The following CNTN6 variants were observed in gnomAD, a reference collection of about 807,000 sequenced individuals.
CNTN6 encodes contactin-6.
CNTN6 carries 137 observed loss-of-function variants against 122.8 expected under a neutral mutation model. The observed-to-expected ratio is 1.12, with a 90% CI of 0.97 to 1.29. The LOEUF is 1.29. Among genes scored for constraint, CNTN6 ranks in the 50% most tolerant of loss-of-function variants. CNTN6 has a pLI of 0.00. For missense variants in CNTN6, 1,634 were observed against 1,223.4 expected, an observed-to-expected ratio of 1.34 and a Z score of -5.01; for synonymous variants, 570 against 426.0, an observed-to-expected ratio of 1.34 and a Z score of -4.16.
Position 1,240,076 on chromosome 3 carries a change from A to G in CNTN6, c.358+12083A>G, listed in dbSNP as rs573560804. Among the ~76,000 whole-genome samples the G allele has an allele frequency of 1.2e-4, 19 of 152,342 alleles. No individual in the cohort carries two copies. In the South Asian group the frequency reaches 3.9e-3, roughly 32 times the overall value. ...CCTGAAACCATAAAGATAATGGAAA[A>G]TAACATTGGAACAACACTTCCAGAC... On this transcript the variant is annotated intron_variant, in intron 4 of 22. Transcript: ENST00000446702.
intron 16 of CNTN6, among the ~76,000 whole-genome samples, chr3:1,376,291 T>C (rs924195000): frequency 3.3e-5 from 5 of 152,138 alleles, no homozygotes; most frequent in Non-Finnish European, 7.4e-5. Context: ...TTCATTGTGT[T>C]AGTCCTTACA....
At chr3:1,347,454 G>A (rs192030990) in intron 11 of CNTN6, among the ~76,000 whole-genome samples, 3 of 152,160 alleles carry the variant, frequency 2.0e-5, no homozygotes, top group African/African-American at 7.2e-5. Context: ...AACTTATTGA[G>A]GAAATAAGGA....
intron 5 of CNTN6, among the ~76,000 whole-genome samples, chr3:1,288,676 A>G (rs539313127): frequency 6.6e-6 from 1 of 152,350 alleles, no homozygotes; most frequent in Non-Finnish European, 1.5e-5. Flanking sequence ...GTCAGTATCA[A>G]TGTTTATCAT....
chr3:1,314,402 C>T (rs985104980), intron 7 of CNTN6, among the ~76,000 whole-genome samples: 8 of 152,086 alleles, frequency 5.3e-5, no homozygotes, highest in African/African-American at 1.2e-4. Context: ...TCTTAAGAAA[C>T]TCATTCTCTG....
intron 1 of CNTN6, among the ~76,000 whole-genome samples, chr3:1,120,601 C>T (rs935735250): frequency 1.3e-5 from 2 of 151,822 alleles, no homozygotes; most frequent in African/African-American, 4.8e-5. Flanking sequence ...AATATTTTCT[C>T]TCAGCCTCTG....
chr3:1,141,312 A>G (rs948786988), intron 1 of CNTN6, among the ~76,000 whole-genome samples: 9 of 152,172 alleles, frequency 5.9e-5, no homozygotes, highest in African/African-American at 2.2e-4. Flanking sequence ...GCAACTGAAA[A>G]TGGATCTTGA....
intron 5 of CNTN6, among the ~76,000 whole-genome samples, chr3:1,286,597 C>G (rs895022361): frequency 6.6e-6 from 1 of 152,166 alleles, no homozygotes; most frequent in East Asian, 1.9e-4. Context: ...ATGTGACAGT[C>G]TATCATTGAT....
At chr3:1,130,067 T>C (rs781492710) in intron 1 of CNTN6, among the ~76,000 whole-genome samples, 2 of 152,092 alleles carry the variant, frequency 1.3e-5, no homozygotes, top group Non-Finnish European at 2.9e-5. Context: ...CTTCTCTATA[T>C]TCTCTCTACT....
chr3:1,291,232 T>C (rs1695265926), intron 5 of CNTN6, among the ~76,000 whole-genome samples: 1 of 152,224 alleles, frequency 6.6e-6, no homozygotes, highest in South Asian at 2.1e-4. Context: ...TTTTTCTGAA[T>C]TTATTATTAA....
chr3:1,121,338 T>TA (rs1204120124), intron 1 of CNTN6, among the ~76,000 whole-genome samples: 8 of 151,922 alleles, frequency 5.3e-5, no homozygotes, highest in Non-Finnish European at 1.2e-4. Context: ...CTCTTATTTA[T>TA]AAAAAAGCAC....
rs188285885 is a variant in CNTN6 at position 1,318,017 on chromosome 3, C to A, written c.762-3633C>A. Reference sequence around the variant, plus strand: ...CAGTACTGTACCCTGAATCTTATAACCTTCTCCTTAATTGAATGTTTTATC... The same window carrying A: ...CAGTACTGTACCCTGAATCTTATAAACTTCTCCTTAATTGAATGTTTTATC... On this transcript the variant is annotated intron_variant, in intron 7 of 22. Coordinates refer to ENST00000446702, the MANE Select transcript of CNTN6 (RefSeq NM_001289080.2). Among the ~76,000 whole-genome samples the A allele has an allele frequency of 7.6e-3, 1,152 of 151,084 alleles. 9 individuals carry two copies. The highest frequency in any genetic ancestry group is 0.041 in the Middle Eastern group (12 of 290).
intron 5 of CNTN6, among the ~76,000 whole-genome samples, chr3:1,285,998 A>C (rs926317461): frequency 1.3e-5 from 2 of 152,084 alleles, no homozygotes; most frequent in African/African-American, 4.8e-5. Context: ...TATTTCTTTA[A>C]GTCCCATGCT....
chr3:1,401,114 T>C (rs1350615383), intron 20 of CNTN6, among the ~76,000 whole-genome samples: 1 of 142,646 alleles, frequency 7.0e-6, no homozygotes, highest in Admixed American at 6.9e-5. Context: ...CCAAATGGAA[T>C]CCTAGATAAA....
intron 4 of CNTN6, among the ~76,000 whole-genome samples, chr3:1,231,794 C>G (rs1264468195): frequency 6.6e-6 from 1 of 152,288 alleles, no homozygotes; most frequent in South Asian, 2.1e-4. Context: ...TTAAGTATCT[C>G]TTTCTTCCCC....
chr3:1,384,207 CTCATATT>C (rs1389124590), intron 19 of CNTN6, among the ~76,000 whole-genome samples: 2 of 152,128 alleles, frequency 1.3e-5, no homozygotes, highest in Non-Finnish European at 2.9e-5. Flanking sequence ...GAGGACAGAT[CTCATATT>C]AAGTGTTCTT....
At chr3:1,382,713 C>T (rs1272828455) in intron 17 of CNTN6, among the ~76,000 whole-genome samples, 2 of 152,118 alleles carry the variant, frequency 1.3e-5, no homozygotes, top group Non-Finnish European at 2.9e-5. Flanking sequence ...ATATGTAAAG[C>T]TTGTTTTATA....
At chr3:1,209,820 A>G (rs939946023) in intron 2 of CNTN6, among the ~76,000 whole-genome samples, 20 of 152,006 alleles carry the variant, frequency 1.3e-4, no homozygotes, top group African/African-American at 4.8e-4. Context: ...TCTTTTCTTT[A>G]TTCCTCTATT....
intron 16 of CNTN6, among the ~76,000 whole-genome samples, chr3:1,374,733 T>G (rs1163444312): frequency 6.6e-6 from 1 of 152,078 alleles, no homozygotes; most frequent in African/African-American, 2.4e-5. Flanking sequence ...TTCACATTCT[T>G]ATTCGATCAC....
chr3:1,368,723 C>T (rs1044360445), intron 12 of CNTN6, among the ~76,000 whole-genome samples: 4 of 151,886 alleles, frequency 2.6e-5, no homozygotes, highest in Non-Finnish European at 4.4e-5. Context: ...TTTATTATAT[C>T]GTATAAAATT....
Sources: gnomAD v4.1 joint callset for allele counts (sites outside exome capture counted in the v4.1 genomes callset) on GRCh38, gnomAD v4.1.1 for gene constraint, MANE v1.5 for transcripts, NCBI Gene and HGNC (gene_info 2026-07-23, HGNC 2026-07-21) for gene names.